MTCL1: variants seen among roughly 807,000 people sequenced by gnomAD.
The protein encoded by MTCL1 is microtubule cross-linking factor 1.
A neutral mutation model predicts 141.4 loss-of-function variants in MTCL1; 79 were observed. The ratio of observed to expected loss-of-function variants is 0.56; its 90% confidence interval spans 0.47 to 0.67. The LOEUF (loss-of-function observed/expected upper bound fraction) is 0.67. Among genes scored for constraint, MTCL1 ranks in the 30% least tolerant of loss-of-function variants. The pLI is 0.00. For synonymous variants in MTCL1, 914 were observed against 875.8 expected (o/e 1.04, Z -0.77); for missense variants, 2,177 against 2,113.9 (o/e 1.03, Z -0.59).
At chr18:8,726,052 A>G (rs2096208528) in intron 4 of MTCL1, among the ~76,000 whole-genome samples, 1 of 151,524 alleles carries the variant, frequency 6.6e-6, no homozygotes, top group Non-Finnish European at 1.5e-5. Flanking sequence ...CGGCCTCCCA[A>G]AGTGCTGGGA....
chr18:8,774,709 A>G (rs1395916932), intron 4 of MTCL1, among the ~76,000 whole-genome samples: 1 of 152,216 alleles, frequency 6.6e-6, no homozygotes, highest in Non-Finnish European at 1.5e-5. Context: ...GCCAGTGTCA[A>G]ACTCCTGACC....
chr18:8,789,638 G>A (rs896099846), intron 7 of MTCL1: 7 of 985,268 alleles, frequency 7.1e-6, no homozygotes, highest in African/African-American at 1.7e-5. Context: ...CAGCAGCCTC[G>A]GAAACAAGTG....
intron 4 of MTCL1, among the ~76,000 whole-genome samples, chr18:8,746,976 A>C (rs189903246): frequency 6.6e-6 from 1 of 152,310 alleles, no homozygotes; most frequent in Admixed American, 6.5e-5. Flanking sequence ...CTGGACTGCC[A>C]GTTCCGTCTC....
At chr18:8,721,688 G>A (rs567781844) in intron 4 of MTCL1, among the ~76,000 whole-genome samples, 2 of 152,134 alleles carry the variant, frequency 1.3e-5, no homozygotes, top group Non-Finnish European at 2.9e-5. Flanking sequence ...GGCCAGCCCT[G>A]TTCACCTTCC....
At chr18:8,713,289 G>A (rs553588056), upstream of MTCL1, among the ~76,000 whole-genome samples, 7 of 152,320 alleles carry the variant, frequency 4.6e-5, no homozygotes, top group South Asian at 2.1e-4. Context: ...TAATACTTAA[G>A]TATCCTCCAG....
intron 8 of MTCL1, among the ~76,000 whole-genome samples, chr18:8,794,936 C>A (rs1467887404): frequency 1.3e-5 from 2 of 152,156 alleles, no homozygotes; most frequent in Admixed American, 1.3e-4. Flanking sequence ...ATGTTAAATA[C>A]ACTTCCCCCA....
At chr18:8,741,474 A>G (rs914212520) in intron 4 of MTCL1, among the ~76,000 whole-genome samples, 2 of 152,202 alleles carry the variant, frequency 1.3e-5, no homozygotes, top group Non-Finnish European at 2.9e-5. Context: ...AATAGAAGGA[A>G]CTGGCTGCTT....
chr18:8,718,282 T>C, intron 2 of MTCL1, 142 bp from the exon 2 acceptor site: 2 of 772,210 alleles, frequency 2.6e-6, no homozygotes, highest in Non-Finnish European at 4.2e-6. Context: ...TTCTGGTGCC[T>C]GTCACCCAGG....
rs181858419 is a variant in MTCL1 at position 8,731,339 on chromosome 18, C to A, written c.357+10843C>A. On this transcript the variant is annotated intron_variant, in intron 4 of 16. Transcript: ENST00000359865. ...CTCTAATCCCAGTACTTTAGGAGGC[C>A]GAGGCGGGCAGATCACCTGAGGTCA... Among the ~76,000 whole-genome samples the A allele has an allele frequency of 7.2e-5, 11 of 152,114 alleles. No individual in the cohort carries two copies. The East Asian group carries it at 1.6e-3, about 21-fold the overall frequency.
intron 11 of MTCL1, 110 bp from the exon 11 acceptor site, chr18:8,812,869 A>T (rs2076533328): frequency 1.4e-6 from 2 of 1,408,652 alleles, no homozygotes; most frequent in African/African-American, 2.9e-5. Context: ...GGATTGGTCA[A>T]ATCTTGGTTT....
At chr18:8,818,450 C>T (rs970015879) in intron 12 of MTCL1, among the ~76,000 whole-genome samples, 2 of 151,808 alleles carry the variant, frequency 1.3e-5, no homozygotes, top group Non-Finnish European at 2.9e-5. Context: ...CAAATGGTTA[C>T]AAACTCAAGT....
chr18:8,752,414 T>G (rs1399340254), intron 4 of MTCL1, among the ~76,000 whole-genome samples: 1 of 152,242 alleles, frequency 6.6e-6, no homozygotes, highest in Non-Finnish European at 1.5e-5. Context: ...ATCGAATTTT[T>G]TTTGTGTTAT....
At chr18:8,714,107 A>G (rs945451351), upstream of MTCL1, among the ~76,000 whole-genome samples, 1 of 152,202 alleles carries the variant, frequency 6.6e-6, no homozygotes, top group African/African-American at 2.4e-5. Flanking sequence ...TAAAAGTACA[A>G]TTGAAGGTCT....
intron 4 of MTCL1, among the ~76,000 whole-genome samples, chr18:8,758,768 G>C (rs763169084): frequency 6.6e-6 from 1 of 152,288 alleles, no homozygotes; most frequent in Middle Eastern, 3.4e-3. Context: ...AGGAGTTTGC[G>C]ATCAGACAAT....
intron 14 of MTCL1, among the ~76,000 whole-genome samples, chr18:8,823,796 C>A (rs1335224638): frequency 1.3e-5 from 2 of 152,150 alleles, no homozygotes; most frequent in Non-Finnish European, 2.9e-5. Context: ...GTTCTGTGTA[C>A]CAGCGCACAC....
rs535635260 is a variant in MTCL1, at chr18:8,822,685, T to A, written c.3188+1187T>A. 2.6e-5 allele frequency among the ~76,000 whole-genome samples: 4 copies of A among 152,272 alleles called. No individual in the cohort carries two copies. The South Asian group carries it at 8.3e-4, about 32-fold the overall frequency. On this transcript the variant is annotated intron_variant, in intron 14 of 16. Coordinates refer to ENST00000359865, the Ensembl canonical transcript of MTCL1. The surrounding 1 kb of genome is among the most constrained non-coding windows in gnomAD (Gnocchi z 4.6). ...CCTCATCTGTATACAGGACGTATTT[T>A]GATTATCTTTTTTTTTTGCAGCTTA... is the stretch of plus-strand genomic sequence containing the variant.
At chr18:8,729,772 C>T (rs2096241297) in intron 4 of MTCL1, among the ~76,000 whole-genome samples, 1 of 136,112 alleles carries the variant, frequency 7.3e-6, no homozygotes, top group South Asian at 2.3e-4. Context: ...AGCTTGTCTT[C>T]TCATCCTCTT....
At chr18:8,782,855 C>T (rs1418798410) in intron 5 of MTCL1, 1 of 152,356 alleles carries the variant, frequency 6.6e-6, no homozygotes, top group Admixed American at 6.5e-5. Context: ...CACCTTCATG[C>T]TCATACCTCA....
intron 7 of MTCL1, among the ~76,000 whole-genome samples, chr18:8,792,410 G>T (rs603764): frequency 6.6e-6 from 1 of 152,008 alleles, no homozygotes; most frequent in East Asian, 1.9e-4. Context: ...AACATGTGCC[G>T]TTGGGAGGCC....
Sources: allele counts gnomAD v4.1 joint callset (sites outside exome capture counted in the v4.1 genomes callset), GRCh38; gene constraint gnomAD v4.1.1; non-coding constraint Gnocchi (gnomAD v3.1); transcripts MANE v1.5; gene names NCBI Gene and HGNC (gene_info 2026-07-23, HGNC 2026-07-21).